TBL1Y: variants seen among roughly 807,000 people sequenced by gnomAD.
The protein encoded by TBL1Y is transducin beta like 1 Y-linked.
Under a neutral mutation model 12.0 loss-of-function variants are expected in TBL1Y, and 15 were observed. That is an observed-to-expected ratio of 1.25 (90% CI 0.83 to 1.92). The LOEUF (loss-of-function observed/expected upper bound fraction) is 1.92. Ranked by LOEUF, TBL1Y falls within the 40% of genes most tolerant of loss-of-function variation. The pLI is 0.00. For missense variants in TBL1Y, 148 were observed against 116.7 expected (o/e 1.27, Z -1.24); for synonymous variants, 53 against 42.6 (o/e 1.24, Z -0.95).
intron 6 of TBL1Y, among the ~76,000 whole-genome samples, chrY:7,027,429 A>G (rs182712174): frequency 3.0e-5 from 1 of 33,615 alleles, no homozygotes; most frequent in African/African-American, 1.2e-4. Context: ...CACGCCTGTA[A>G]TTCCAGCACT....
At chrY:7,027,736 C>G in intron 6 of TBL1Y, among the ~76,000 whole-genome samples, 1 of 32,699 alleles carries the variant, frequency 3.1e-5, no homozygotes, top group Non-Finnish European at 7.5e-5. Context: ...GCCTGGGCGA[C>G]AGAACGACAC....
rs751311260 is a variant in TBL1Y, at chrY:7,068,675, C to T, written c.458-1521C>T. Among the ~76,000 whole-genome samples the T allele has an allele frequency of 3.9e-4, 12 of 31,022 alleles. No homozygotes were observed. The East Asian group carries it at 8.7e-3, about 23-fold the overall frequency. 83.2% of individuals were successfully genotyped at this position (31,022 alleles called of 37,273 possible). A position where few individuals can be genotyped will look rare whatever the true frequency, so the allele number is the denominator to read the frequency against. On this transcript the variant is annotated intron_variant, in intron 8 of 18. Transcript: ENST00000383032. ...CTGGCAGAAATTCTAGAACAGCCAC[C>T]ATGACCACCTAATGAGACCTTGCAC...
chrY:7,047,260 C>T (rs370201628), intron 7 of TBL1Y, among the ~76,000 whole-genome samples: 1 of 33,870 alleles, frequency 3.0e-5, no homozygotes, highest in Admixed American at 2.7e-4. Flanking sequence ...GAAAATACTC[C>T]GTAGCATAAT....
chrY:7,016,211 C>A, intron 4 of TBL1Y, among the ~76,000 whole-genome samples: 1 of 32,177 alleles, frequency 3.1e-5, no homozygotes, highest in Non-Finnish European at 7.6e-5. Flanking sequence ...CTGTACTGGC[C>A]TCGCCGTGAG....
At chrY:7,018,009 A>G in intron 4 of TBL1Y, among the ~76,000 whole-genome samples, 1 of 33,520 alleles carries the variant, frequency 3.0e-5, no homozygotes, top group Admixed American at 2.7e-4. Flanking sequence ...AGAATTAGAA[A>G]ACATAGGAAA....
intron 7 of TBL1Y, among the ~76,000 whole-genome samples, chrY:7,051,107 G>A (rs2012795543): frequency 5.9e-5 from 2 of 33,667 alleles, no homozygotes; most frequent in Admixed American, 2.7e-4. Context: ...TGAGAAATTC[G>A]CTTTAGGTAC....
intron 2 of TBL1Y, among the ~76,000 whole-genome samples, chrY:6,960,213 C>T (rs774836836): frequency 9.0e-5 from 3 of 33,498 alleles, no homozygotes; most frequent in Non-Finnish European, 2.2e-4. Context: ...TGCTGCCAGT[C>T]GAAAGTTGAA....
At chrY:6,929,607 G>GC (rs2011851018) in intron 2 of TBL1Y, among the ~76,000 whole-genome samples, 1 of 32,756 alleles carries the variant, frequency 3.1e-5, no homozygotes, top group African/African-American at 1.2e-4. Flanking sequence ...AGAAGGGTGG[G>GC]CCTCTGTGTT....
At chrY:6,960,192 A>T (rs771624548) in intron 2 of TBL1Y, among the ~76,000 whole-genome samples, 1 of 33,825 alleles carries the variant, frequency 3.0e-5, no homozygotes, top group African/African-American at 1.1e-4. Context: ...GCCCTGACTA[A>T]CAGAATATGA....
intron 4 of TBL1Y, among the ~76,000 whole-genome samples, chrY:7,018,531 A>T: frequency 3.0e-5 from 1 of 33,275 alleles, no homozygotes; most frequent in Non-Finnish European, 7.4e-5. Context: ...AAATACAGTA[A>T]TTTAAACAAA....
chrY:6,974,280 C>T (rs2012225139), intron 2 of TBL1Y, among the ~76,000 whole-genome samples: 1 of 33,922 alleles, frequency 2.9e-5, no homozygotes, highest in Non-Finnish European at 7.3e-5. Flanking sequence ...TTATGTTGGT[C>T]AGGCTGGTCT....
At chrY:6,911,611 A>C in intron 1 of TBL1Y, among the ~76,000 whole-genome samples, 1 of 31,823 alleles carries the variant, frequency 3.1e-5, no homozygotes, top group African/African-American at 1.2e-4. Flanking sequence ...TCTGGGGGCA[A>C]CCCCCCCCGC....
intron 7 of TBL1Y, among the ~76,000 whole-genome samples, chrY:7,062,935 C>A: frequency 2.9e-5 from 1 of 34,099 alleles, no homozygotes; most frequent in Non-Finnish European, 7.3e-5. Flanking sequence ...TACCAGCTCC[C>A]CTGGCTTTTC....
At chrY:6,976,929 C>T (rs1012337633) in intron 2 of TBL1Y, among the ~76,000 whole-genome samples, 7 of 33,557 alleles carry the variant, frequency 2.1e-4, no homozygotes, top group African/African-American at 8.2e-4. Context: ...CTGTTCATGT[C>T]ACAACCAGAA....
intron 2 of TBL1Y, among the ~76,000 whole-genome samples, chrY:6,954,389 C>G: frequency 2.9e-4 from 10 of 34,090 alleles, no homozygotes; most frequent in Admixed American, 2.1e-3. Flanking sequence ...GCCCCTCCCC[C>G]AGCCTTGCAG....
intron 4 of TBL1Y, among the ~76,000 whole-genome samples, chrY:7,016,286 C>T (rs2012548814): frequency 3.1e-5 from 1 of 32,283 alleles, no homozygotes; most frequent in Non-Finnish European, 7.5e-5. Flanking sequence ...GTAGTACCTC[C>T]ACTTCCAGTT....
intron 12 of TBL1Y, 47 bp from the exon 13 acceptor site, chrY:7,074,513 A>C: frequency 2.6e-6 from 1 of 378,243 alleles, no homozygotes; most frequent in East Asian, 9.4e-5. Context: ...ACTAGAGTAA[A>C]CTTTGTGGGA....
intron 4 of TBL1Y, among the ~76,000 whole-genome samples, chrY:6,998,878 C>T (rs2012427275): frequency 1.8e-4 from 6 of 33,695 alleles, no homozygotes; most frequent in Non-Finnish European, 3.7e-4. Context: ...TCTTTACAGT[C>T]CTTTGTGCAC....
intron 4 of TBL1Y, among the ~76,000 whole-genome samples, chrY:7,005,672 C>T: frequency 6.0e-5 from 2 of 33,223 alleles, no homozygotes; most frequent in Non-Finnish European, 1.5e-4. Context: ...CATTCCAAAA[C>T]GTAGCTTCCT....
Sources: gnomAD v4.1 joint callset for allele counts (sites outside exome capture counted in the v4.1 genomes callset) on GRCh38, gnomAD v4.1.1 for gene constraint, MANE v1.5 for transcripts, NCBI Gene and HGNC (gene_info 2026-07-23, HGNC 2026-07-21) for gene names.